STAG1: variants seen among roughly 807,000 people sequenced by gnomAD.
STAG1 encodes STAG1 cohesin complex component.
A neutral mutation model predicts 170.9 loss-of-function variants in STAG1; 26 were observed. That is an observed-to-expected ratio of 0.15 (90% CI 0.11 to 0.21). The LOEUF (loss-of-function observed/expected upper bound fraction) is 0.21, where lower values mean the gene tolerates loss of function less well. Ranked by LOEUF, STAG1 falls within the 10% of genes least tolerant of loss-of-function variation. The probability of loss-of-function intolerance (pLI) is 1.00; values close to 1 mark genes in which losing one functional copy is unlikely to be tolerated. For synonymous variants in STAG1, 514 were observed against 497.7 expected, an observed-to-expected ratio of 1.03 and a Z score of -0.44; for missense variants, 964 against 1,509.5, an observed-to-expected ratio of 0.64 and a Z score of 5.99.
intron 31 of STAG1, among the ~76,000 whole-genome samples, chr3:136,341,066 G>GC (rs1935948839): frequency 6.6e-6 from 1 of 152,060 alleles, no homozygotes; most frequent in African/African-American, 2.4e-5. Context: ...CCACCACCAT[G>GC]CCCGGCTAAT....
chr3:136,485,053 G>A (rs1451093152), intron 9 of STAG1, among the ~76,000 whole-genome samples: 1 of 152,172 alleles, frequency 6.6e-6, no homozygotes, highest in African/African-American at 2.4e-5. Context: ...CGCTCACGCT[G>A]GGAGCTGTAG....
chr3:136,647,077 G>C (rs975097743), intron 1 of STAG1, among the ~76,000 whole-genome samples: 1 of 151,778 alleles, frequency 6.6e-6, no homozygotes, highest in African/African-American at 2.4e-5. Context: ...CACCTAAATA[G>C]GTACAATTGT....
intron 8 of STAG1, among the ~76,000 whole-genome samples, chr3:136,502,216 A>C (rs1432436833): frequency 1.3e-5 from 2 of 152,190 alleles, no homozygotes; most frequent in Non-Finnish European, 2.9e-5. Context: ...TTTAACACAT[A>C]TATGAAAATG....
chr3:136,460,115 C>A (rs574873148), intron 13 of STAG1, among the ~76,000 whole-genome samples: 4 of 152,036 alleles, frequency 2.6e-5, no homozygotes, highest in South Asian at 4.2e-4. Flanking sequence ...AATGGACAAA[C>A]CTTTAGCTGA....
intron 24 of STAG1, 34 bp from the exon 25 acceptor site, chr3:136,367,116 G>T: frequency 6.5e-7 from 1 of 1,545,098 alleles, no homozygotes; most frequent in Non-Finnish European, 8.8e-7. Context: ...TATGAATTCT[G>T]GTACTTTATC....
At chr3:136,728,603 C>G (rs1293003257) in intron 1 of STAG1, among the ~76,000 whole-genome samples, 1 of 152,160 alleles carries the variant, frequency 6.6e-6, no homozygotes, top group Non-Finnish European at 1.5e-5. Context: ...TAGTTGGCAT[C>G]TAACACATAC....
At chr3:136,383,190 A>G (rs1235787867) in intron 22 of STAG1, among the ~76,000 whole-genome samples, 1 of 152,204 alleles carries the variant, frequency 6.6e-6, no homozygotes, top group African/African-American at 2.4e-5. Flanking sequence ...GGATTTGCCA[A>G]TTTAAGACTC....
At chr3:136,346,500 TAAAC>T (rs1482685297) in intron 29 of STAG1, among the ~76,000 whole-genome samples, 1 of 152,228 alleles carries the variant, frequency 6.6e-6, no homozygotes, top group East Asian at 1.9e-4. Flanking sequence ...TTTTTTAATT[TAAAC>T]AAATTAGGTT....
intron 21 of STAG1, among the ~76,000 whole-genome samples, chr3:136,409,888 G>A (rs1421903758): frequency 1.3e-5 from 2 of 151,998 alleles, no homozygotes; most frequent in Admixed American, 6.6e-5. Context: ...AGACCAGCCT[G>A]GGCAACATAG....
intron 6 of STAG1, among the ~76,000 whole-genome samples, chr3:136,536,976 C>G (rs1935664462): frequency 6.6e-6 from 1 of 152,154 alleles, no homozygotes; most frequent in Non-Finnish European, 1.5e-5. Flanking sequence ...AACATTTGCT[C>G]TTGTCCCCAA....
At position 136,472,869 on chromosome 3, in the gene STAG1, G is replaced by T. The variant is rs563398386; in HGVS notation, c.1126-377C>A. Among the ~76,000 whole-genome samples, 3 of 152,252 alleles carry T rather than the reference G, an allele frequency of 2.0e-5. No homozygotes were observed. In the South Asian group the frequency reaches 6.2e-4, roughly 32 times the overall value. ...AGATTCACTTATCAATTTCATATGG[G>T]TTTATTTAAAGAACATGTAGTAAAA... On this transcript the variant is annotated intron_variant, in intron 11 of 33. Transcript: ENST00000383202.
intron 5 of STAG1, among the ~76,000 whole-genome samples, chr3:136,545,214 A>G (rs1936101880): frequency 6.6e-6 from 1 of 151,996 alleles, no homozygotes; most frequent in Non-Finnish European, 1.5e-5. Context: ...ACGTGTAATT[A>G]TTCTCTACTA....
At chr3:136,439,231 A>T (rs1283839171) in intron 15 of STAG1, among the ~76,000 whole-genome samples, 1 of 128,514 alleles carries the variant, frequency 7.8e-6, no homozygotes, top group African/African-American at 2.9e-5. Flanking sequence ...AAAAAAAAAT[A>T]AAGTTTCTCA....
intron 1 of STAG1, among the ~76,000 whole-genome samples, chr3:136,709,792 T>C (rs1166599919): frequency 6.6e-6 from 1 of 150,904 alleles, no homozygotes; most frequent in Non-Finnish European, 1.5e-5. Context: ...CCCAGCACTT[T>C]GGGAGGCCAA....
intron 6 of STAG1, among the ~76,000 whole-genome samples, chr3:136,522,937 A>C (rs779280434): frequency 1.3e-5 from 2 of 152,070 alleles, no homozygotes; most frequent in Non-Finnish European, 2.9e-5. Flanking sequence ...CACAGTGTAT[A>C]TGTGCCATAT....
At chr3:136,682,795 G>C (rs188996082) in intron 1 of STAG1, among the ~76,000 whole-genome samples, 3 of 152,072 alleles carry the variant, frequency 2.0e-5, no homozygotes, top group Non-Finnish European at 4.4e-5. Flanking sequence ...TTAAAAGAAG[G>C]CTCTCCAAGA....
At position 136,477,372 on chromosome 3, in the gene STAG1, T is replaced by C; in HGVS notation, c.943A>G (p.Ile315Val). 6.2e-7 allele frequency: 1 copy of C among 1,612,970 alleles called. No homozygotes were observed. The highest frequency in any genetic ancestry group is 8.5e-7 in the Non-Finnish European group (1 of 1,179,652). Residue 315 changes from isoleucine to valine, a missense_variant, in exon 10 of 34, where the codon ATT (isoleucine) becomes GTT (valine). By Grantham distance (29) the Ile-to-Val change is conservative (BLOSUM62 3). Around this residue, in one of 11 missense-constraint regions of STAG1, gnomAD observed 57 missense variants for 157.6 expected, o/e 0.36. Transcript: ENST00000383202. ...CTATACATTTTCATCCATACTCCAA[T>C]TTCTTCAATACAAATGGCTCTAATC... ...AEIRAICIEE[I>V]GVWMKMYSDA...
chr3:136,714,588 C>T (rs557062359), intron 1 of STAG1, among the ~76,000 whole-genome samples: 71 of 151,968 alleles, frequency 4.7e-4, no homozygotes, highest in Non-Finnish European at 6.5e-4. Flanking sequence ...ATTAGCCGGG[C>T]GTGGTGGCGG....
At chr3:136,490,985 G>A (rs2090114776) in intron 9 of STAG1, among the ~76,000 whole-genome samples, 2 of 151,596 alleles carry the variant, frequency 1.3e-5, no homozygotes, top group Admixed American at 6.6e-5. Flanking sequence ...TTTTCACTAC[G>A]GTATGTCTAG....
Sources: allele counts gnomAD v4.1 joint callset (sites outside exome capture counted in the v4.1 genomes callset), GRCh38; gene constraint gnomAD v4.1.1; regional missense constraint gnomAD v4.1.1; transcripts MANE v1.5; gene names NCBI Gene and HGNC (gene_info 2026-07-23, HGNC 2026-07-21).